NSD1: variants seen among roughly 807,000 people sequenced by gnomAD.
NSD1 encodes the protein nuclear receptor binding SET domain protein 1.
A neutral mutation model predicts 242.7 loss-of-function variants in NSD1; 26 were observed. That is an observed-to-expected ratio of 0.11 (90% confidence interval 0.08 to 0.15). The LOEUF is 0.15. Ranked by LOEUF, NSD1 falls within the 10% of genes least tolerant of loss-of-function variation. The pLI, the probability that NSD1 is intolerant of heterozygous loss-of-function variation, is 1.00. For missense variants in NSD1, 2,495 were observed against 3,272.8 expected (o/e 0.76, Z 5.80); for synonymous variants, 1,106 against 1,178.1 (o/e 0.94, Z 1.25).
intron 9 of NSD1, among the ~76,000 whole-genome samples, chr5:177,245,510 G>T (rs1017314056): frequency 6.6e-6 from 1 of 152,002 alleles, no homozygotes; most frequent in Non-Finnish European, 1.5e-5. Context: ...CTTTCATACT[G>T]TTAACTAGCA....
chr5:177,136,756 G>C, intron 2 of NSD1: 1 of 533,902 alleles, frequency 1.9e-6, no homozygotes, highest in Non-Finnish European at 3.4e-6. Flanking sequence ...ACCACGCCCG[G>C]CTAATTTTTG....
At chr5:177,169,805 T>C (rs1431649274) in intron 2 of NSD1, among the ~76,000 whole-genome samples, 1 of 152,208 alleles carries the variant, frequency 6.6e-6, no homozygotes, top group East Asian at 1.9e-4. Flanking sequence ...TAAGAATGTA[T>C]TCCAATATCA....
chr5:177,295,384 A>G lies in NSD1; in HGVS notation c.8016A>G (p.Lys2672=), dbSNP rs751107013. Residue 2672 remains lysine, a synonymous_variant, in exon 23 of 23, where the codon AAA becomes AAG. Transcript: ENST00000439151. The surrounding 1 kb of genome is among the most constrained non-coding windows in gnomAD (Gnocchi z 4.3). ...CTCTTGGAAGAGGGCAAGACCCCAA[A>G]CCAGAGCAAAATACACTTCCAGCTC... ...CWSLGRGQDP[K]PEQNTLPALN... 6.2e-7 allele frequency: 1 copy of G among 1,614,184 alleles called. No homozygotes were observed. The highest frequency in any genetic ancestry group is 8.5e-7 in the Non-Finnish European group (1 of 1,180,036).
chr5:177,171,017 TAAA>T (rs569914153), intron 2 of NSD1, among the ~76,000 whole-genome samples: 2,704 of 136,398 alleles, frequency 0.02, 31 homozygotes, highest in Non-Finnish European at 0.03. Flanking sequence ...TTTACCATGT[TAAA>T]AAAAAAAAAA....
chr5:177,154,868 G>A lies in NSD1; in HGVS notation c.927+18838G>A, dbSNP rs1199954697. Among the ~76,000 whole-genome samples the A allele has an allele frequency of 2.0e-5, 3 of 150,696 alleles. No individual in the cohort carries two copies. The Admixed American group carries it at 2.0e-4, about 10-fold the overall frequency. On this transcript the variant is annotated intron_variant, in intron 2 of 22. Transcript: ENST00000439151. The stretch of plus-strand genomic sequence containing the variant: ...CTGCCACCATGCTCGGCTAATTTTT[G>A]TATTTTTAGTAGCGACGGGGTTTCA...
chr5:177,190,673 GT>G (rs1001135152), intron 2 of NSD1, among the ~76,000 whole-genome samples: 35 of 144,938 alleles, frequency 2.4e-4, no homozygotes, highest in Middle Eastern at 7.3e-3. Context: ...CTAATCCCAG[GT>G]TTTTTTTTTT....
At position 177,209,945 on chromosome 5, in the gene NSD1, A is replaced by T. The variant is rs200701215; in HGVS notation, c.1546A>T (p.Ile516Leu). Residue 516 changes from isoleucine (I) to leucine (L), a missense_variant, in exon 5 of 23, where the codon ATA becomes TTA. Around this residue, in one of 19 missense-constraint regions of NSD1, gnomAD observed 515 missense variants for 467.0 expected, o/e 1.10. Transcript: ENST00000439151. ...AAGGACTAGTGTGAAAAAGGGCCAC[A>T]TACAATTTGAAGCACATAAAGATGA... The part of the protein sequence containing the change: ...PKRTSVKKGH[I>L]QFEAHKDERR... The T allele has an allele frequency of 1.2e-6, 2 of 1,614,150 alleles. No individual in the cohort carries two copies. The highest frequency in any genetic ancestry group is 2.7e-5 in the African/African-American group (2 of 75,058).
chr5:177,195,213 T>C (rs1762015382), intron 3 of NSD1, among the ~76,000 whole-genome samples: 1 of 152,018 alleles, frequency 6.6e-6, no homozygotes, highest in Admixed American at 6.6e-5. Context: ...CCAGACACGG[T>C]AGCTCATGCC....
chr5:177,210,034 G>T lies in NSD1; in HGVS notation c.1635G>T (p.Thr545=). 1 of 1,614,088 alleles carries T rather than the reference G, an allele frequency of 6.2e-7. No homozygotes were observed. Among genetic ancestry groups the T allele is most frequent in the South Asian group, 1.1e-5 (1 of 91,074 alleles). The change falls in exon 5 of 23, where the codon ACG becomes ACT. Residue 545 remains threonine (T), a synonymous_variant. Coordinates refer to ENST00000439151, the MANE Select transcript of NSD1 (RefSeq NM_022455.5). ...TTATCTCTGGGGATATATCTGATAC[G>T]CAGGCCTCTAATGAACTTTCCAGGA... ...LNFISGDISD[T]QASNELSRIA...
chr5:177,268,995 A>T (rs1322410837), intron 15 of NSD1, among the ~76,000 whole-genome samples: 1 of 152,100 alleles, frequency 6.6e-6, no homozygotes, highest in African/African-American at 2.4e-5. Flanking sequence ...TGGTTTATAT[A>T]CTTAGGGCCT....
intron 8 of NSD1, among the ~76,000 whole-genome samples, chr5:177,240,760 A>C (rs1442495226): frequency 6.6e-6 from 1 of 152,068 alleles, no homozygotes; most frequent in Admixed American, 6.5e-5. Flanking sequence ...TAATCCCAGG[A>C]CTTAGGGAAC....
intron 8 of NSD1, among the ~76,000 whole-genome samples, chr5:177,240,847 C>CA (rs1221185681): frequency 1.3e-5 from 2 of 151,834 alleles, no homozygotes; most frequent in African/African-American, 4.8e-5. Flanking sequence ...CTCTACAAAA[C>CA]AAAAAACTGT....
At position 177,300,067 on chromosome 5, in the gene NSD1, C is replaced by G. The variant is rs1462264586; in HGVS notation, c.*4608C>G. The G allele has an allele frequency of 5.0e-6, 1 of 198,522 alleles. No homozygotes were observed. Among genetic ancestry groups the G allele is most frequent in the East Asian group, 7.8e-5 (1 of 12,810 alleles). 12.3% of individuals were successfully genotyped at this position (198,522 alleles called of 1,614,324 possible). Reference sequence around the variant, plus strand: ...TTGCTTTTTTGCCGCGCCCCCCCCCCCCCGCCCCCATAGATTGTCAGCTGT... The same window carrying G: ...TTGCTTTTTTGCCGCGCCCCCCCCCGCCCGCCCCCATAGATTGTCAGCTGT... On this transcript the variant is annotated 3_prime_UTR_variant, in exon 23 of 23. Coordinates refer to ENST00000439151, the MANE Select transcript of NSD1 (RefSeq NM_022455.5).
intron 9 of NSD1, 42 bp downstream of exon 9, chr5:177,244,312 G>T: frequency 7.3e-7 from 1 of 1,367,448 alleles, no homozygotes; most frequent in Non-Finnish European, 1.0e-6. Context: ...GCAGTAGTAA[G>T]TTTGAAGTGC....
chr5:177,156,174 A>ATTTTTTTTTTTTTT (rs34417228), intron 2 of NSD1, among the ~76,000 whole-genome samples: 1 of 78,008 alleles, frequency 1.3e-5, no homozygotes, highest in Non-Finnish European at 2.3e-5. Flanking sequence ...CTCTTTTCAG[A>ATTTTTTTTTTTTTT]TTTTTTTTTT....
At chr5:177,285,962 CT>C (rs1213153121) in intron 20 of NSD1, among the ~76,000 whole-genome samples, 1 of 152,140 alleles carries the variant, frequency 6.6e-6, no homozygotes, top group Non-Finnish European at 1.5e-5. Context: ...GTGGCATGAT[CT>C]CGGCTCACTG....
chr5:177,189,286 G>A (rs567589583), intron 2 of NSD1, among the ~76,000 whole-genome samples: 30 of 152,296 alleles, frequency 2.0e-4, no homozygotes, highest in African/African-American at 7.0e-4. Context: ...GATGGAGTCA[G>A]AAGAGAGGAT....
chr5:177,235,605 G>A (rs1261424289), intron 5 of NSD1, among the ~76,000 whole-genome samples: 1 of 152,030 alleles, frequency 6.6e-6, no homozygotes, highest in Non-Finnish European at 1.5e-5. Context: ...TATTATTTGT[G>A]TATATAAGGT....
chr5:177,167,288 G>T (rs1457845372), intron 2 of NSD1, among the ~76,000 whole-genome samples: 3 of 151,784 alleles, frequency 2.0e-5, no homozygotes, highest in Non-Finnish European at 4.4e-5. Flanking sequence ...TGTAATCCCA[G>T]CACTTTGGGA....
Sources: allele counts gnomAD v4.1 joint callset (sites outside exome capture counted in the v4.1 genomes callset), GRCh38; gene constraint gnomAD v4.1.1; regional missense constraint gnomAD v4.1.1; non-coding constraint Gnocchi (gnomAD v3.1); transcripts MANE v1.5; gene names NCBI Gene and HGNC (gene_info 2026-07-23, HGNC 2026-07-21).